KIF1B: variants seen among roughly 807,000 people sequenced by gnomAD.
The protein encoded by KIF1B is kinesin family member 1B, also known as kinesin-like protein KIF1B.
KIF1B carries 76 observed loss-of-function variants against 241.9 expected under a neutral mutation model. The observed-to-expected ratio is 0.31, with a 90% CI of 0.26 to 0.38. The LOEUF (loss-of-function observed/expected upper bound fraction) is 0.38, where lower values mean the gene tolerates loss of function less well. Ranked by LOEUF, KIF1B falls within the 10% of genes least tolerant of loss-of-function variation. The probability of loss-of-function intolerance (pLI) is 1.00; values close to 1 mark genes in which losing one functional copy is unlikely to be tolerated. For synonymous variants in KIF1B, 750 were observed against 796.7 expected (o/e 0.94, Z 0.99); for missense variants, 1,622 against 2,271.4 (o/e 0.71, Z 5.81).
chr1:10,321,860 A>G lies in KIF1B; in HGVS notation c.2358+3A>G. 6.2e-7 allele frequency: 1 copy of G among 1,614,114 alleles called. No homozygotes were observed. Among genetic ancestry groups the G allele is most frequent in the East Asian group, 2.2e-5 (1 of 44,862 alleles). ...TCAGTGTGGAACTGAAAAAGAAGGT[A>G]TGGAGCAGGAGGACACAGGAGAGCT... On this transcript the variant is annotated splice_donor_region_variant and intron_variant, in intron 24 of 48. Transcript: ENST00000676179.
intron 22 of KIF1B, among the ~76,000 whole-genome samples, chr1:10,316,070 A>T (rs980509378): frequency 6.1e-5 from 9 of 148,396 alleles, no homozygotes; most frequent in Non-Finnish European, 3.0e-5. Context: ...AAAAAAAAAA[A>T]AAAAAGCTAT....
intron 4 of KIF1B, among the ~76,000 whole-genome samples, chr1:10,261,181 G>T (rs1648121233): frequency 6.6e-6 from 1 of 151,674 alleles, no homozygotes; most frequent in Non-Finnish European, 1.5e-5. Context: ...TGGCCAGGCT[G>T]GTCTTGAACT....
At chr1:10,361,349 G>T (rs1211888260) in intron 39 of KIF1B, among the ~76,000 whole-genome samples, 1 of 152,212 alleles carries the variant, frequency 6.6e-6, no homozygotes, top group Admixed American at 6.5e-5. Flanking sequence ...GTTGTGGACA[G>T]AGTGTAATAG....
intron 34 of KIF1B, among the ~76,000 whole-genome samples, chr1:10,344,497 A>G (rs1652518571): frequency 6.6e-6 from 1 of 152,206 alleles, no homozygotes; most frequent in African/African-American, 2.4e-5. Context: ...TCACATCACC[A>G]TCGCAGTGGG....
chr1:10,334,012 A>T (rs771529579), intron 27 of KIF1B, among the ~76,000 whole-genome samples: 2 of 151,728 alleles, frequency 1.3e-5, no homozygotes, highest in Non-Finnish European at 2.9e-5. Flanking sequence ...TTAGCTGGCT[A>T]TGGTGGCACG....
In KIF1B at chr1:10,337,848, A is replaced by G. The variant is rs1020512195; in HGVS notation, c.3422+315A>G. ...TTGATGAGTCTTTCTAGTCCTCTTC[A>G]TGTTGAAATGTCTTATTAATAAGCC... On this transcript the variant is annotated intron_variant, in intron 31 of 48. Coordinates refer to ENST00000676179, the MANE Select transcript of KIF1B (RefSeq NM_001365951.3). This position sits in a 1 kb window ranked among gnomAD's most constrained non-coding sequence, Gnocchi z 4.0. Among the ~76,000 whole-genome samples, 1 of 152,150 alleles carries G rather than the reference A, an allele frequency of 6.6e-6. No homozygotes were observed. The highest frequency in any genetic ancestry group is 2.4e-5 in the African/African-American group (1 of 41,424).
At chr1:10,281,564 CA>C (rs537135931) in intron 14 of KIF1B, among the ~76,000 whole-genome samples, 3 of 152,118 alleles carry the variant, frequency 2.0e-5, no homozygotes, top group Non-Finnish European at 4.4e-5. Flanking sequence ...CTTAAATTAG[CA>C]AATAATCAGC....
chr1:10,319,989 C>A, intron 22 of KIF1B, 54 bp from the exon 23 acceptor site: 1 of 1,162,626 alleles, frequency 8.6e-7, no homozygotes, highest in Non-Finnish European at 1.3e-6. Context: ...TTCTCTTTCC[C>A]TGCCCTCTTA....
At chr1:10,239,488 A>T (rs1029290028) in intron 2 of KIF1B, among the ~76,000 whole-genome samples, 1 of 152,008 alleles carries the variant, frequency 6.6e-6, no homozygotes, top group Non-Finnish European at 1.5e-5. Flanking sequence ...GTATATTACA[A>T]CTAGTTTTGT....
intron 41 of KIF1B, among the ~76,000 whole-genome samples, chr1:10,363,839 CA>C (rs1638492273): frequency 6.6e-6 from 1 of 152,094 alleles, no homozygotes; most frequent in Non-Finnish European, 1.5e-5. Flanking sequence ...GAAACATGAA[CA>C]AAAGTTAAGG....
intron 44 of KIF1B, among the ~76,000 whole-genome samples, 181 bp downstream of exon 44, chr1:10,368,719 C>CT (rs1209294359): frequency 1.3e-5 from 2 of 152,178 alleles, no homozygotes; most frequent in Non-Finnish European, 2.9e-5. Context: ...AGTCCGAACA[C>CT]TGACTTCTGA....
At chr1:10,224,515 C>T (rs1403149991) in intron 1 of KIF1B, among the ~76,000 whole-genome samples, 3 of 152,032 alleles carry the variant, frequency 2.0e-5, no homozygotes, top group Non-Finnish European at 4.4e-5. Flanking sequence ...AACTCCTGGG[C>T]TCAAGTGATC....
intron 22 of KIF1B, among the ~76,000 whole-genome samples, chr1:10,317,938 G>A (rs981438192): frequency 1.3e-5 from 2 of 151,370 alleles, no homozygotes; most frequent in African/African-American, 2.5e-5. Flanking sequence ...GTACTGTGTG[G>A]GTAGGCAGGT....
At chr1:10,345,206 A>G (rs971751727) in intron 34 of KIF1B, among the ~76,000 whole-genome samples, 1 of 152,234 alleles carries the variant, frequency 6.6e-6, no homozygotes, top group Non-Finnish European at 1.5e-5. Flanking sequence ...AATGTGTGAC[A>G]TAAGATCATT....
At chr1:10,236,414 A>G (rs1005894387) in intron 2 of KIF1B, among the ~76,000 whole-genome samples, 1 of 152,232 alleles carries the variant, frequency 6.6e-6, no homozygotes, top group Non-Finnish European at 1.5e-5. Context: ...GCTGATTATA[A>G]CACATTGTTT....
intron 22 of KIF1B, among the ~76,000 whole-genome samples, chr1:10,316,503 T>C (rs1005253895): frequency 2.6e-5 from 4 of 151,514 alleles, no homozygotes; most frequent in Admixed American, 6.6e-5. Flanking sequence ...TTTGTTGCTA[T>C]TGTTGTTGTT....
In KIF1B at chr1:10,276,227, T is replaced by C. The variant is rs538409068; in HGVS notation, c.959-94T>C. The C allele has an allele frequency of 5.0e-4, 424 of 853,644 alleles. 1 individual carries two copies. Among genetic ancestry groups the C allele is most frequent in the Non-Finnish European group, 6.9e-4 (352 of 507,330 alleles). 52.9% of individuals were successfully genotyped at this position (853,644 alleles called of 1,614,324 possible). ...AGAAATTTGACATTACATTAAATCTTAGGATCTGAGATTACAATATCAGAT... is the reference window on the plus strand; with the variant it reads ...AGAAATTTGACATTACATTAAATCTCAGGATCTGAGATTACAATATCAGAT... On this transcript the variant is annotated intron_variant, in intron 11 of 48. Coordinates refer to ENST00000676179, the MANE Select transcript of KIF1B (RefSeq NM_001365951.3).
At chr1:10,254,668 A>C (rs1047758003) in intron 2 of KIF1B, among the ~76,000 whole-genome samples, 1 of 151,884 alleles carries the variant, frequency 6.6e-6, no homozygotes, top group Non-Finnish European at 1.5e-5. Context: ...CAAGGTCAGG[A>C]GATCAAGACC....
chr1:10,352,500 C>T, intron 37 of KIF1B, 131 bp from the exon 38 acceptor site: 2 of 742,156 alleles, frequency 2.7e-6, no homozygotes, highest in South Asian at 2.9e-5. Flanking sequence ...GTGGAGGACC[C>T]TACAGGTAAC....
Sources: allele counts gnomAD v4.1 joint callset (sites outside exome capture counted in the v4.1 genomes callset), GRCh38; gene constraint gnomAD v4.1.1; non-coding constraint Gnocchi (gnomAD v3.1); transcripts MANE v1.5; gene names NCBI Gene and HGNC (gene_info 2026-07-23, HGNC 2026-07-21).